Variants in DNAH1 observed in about 807,000 individuals in gnomAD.
DNAH1 encodes axonemal beta dynein heavy chain 1.
A neutral mutation model predicts 484.3 loss-of-function variants in DNAH1; 327 were observed. The observed-to-expected ratio is 0.68, with a 90% CI of 0.62 to 0.74. The LOEUF (loss-of-function observed/expected upper bound fraction) is 0.74. Ranked by LOEUF, DNAH1 falls within the 30% of genes least tolerant of loss-of-function variation. The pLI is 0.00. For missense variants in DNAH1, 5,052 were observed against 5,546.8 expected (o/e 0.91, Z 2.83); for synonymous variants, 2,192 against 2,191.9 (o/e 1.00, Z 0.00).
At chr3:52,319,038 G>A (rs1199466832) in intron 1 of DNAH1, among the ~76,000 whole-genome samples, 1 of 152,194 alleles carries the variant, frequency 6.6e-6, no homozygotes, top group Non-Finnish European at 1.5e-5. Flanking sequence ...GCTAGAACAT[G>A]GATCTTTGGG....
chr3:52,325,272 C>T (rs1344013445), intron 3 of DNAH1, among the ~76,000 whole-genome samples: 3 of 152,120 alleles, frequency 2.0e-5, no homozygotes, highest in African/African-American at 7.2e-5. Flanking sequence ...GGCCCTCCTG[C>T]AGCATGACCA....
chr3:52,398,662 C>G (rs1704751319), intron 75 of DNAH1, among the ~76,000 whole-genome samples, 188 bp from the exon 76 acceptor site: 1 of 151,936 alleles, frequency 6.6e-6, no homozygotes, highest in African/African-American at 2.4e-5. Flanking sequence ...GTAAGCTATC[C>G]AAGTCCAACT....
chr3:52,397,625 G>A, intron 73 of DNAH1, 82 bp from the exon 74 acceptor site: 2 of 1,297,132 alleles, frequency 1.5e-6, no homozygotes, highest in East Asian at 2.4e-5. Flanking sequence ...GTGACAAGTG[G>A]GGATGTGCTC....
At position 52,395,810 on chromosome 3, in the gene DNAH1, G is replaced by A. The variant is rs144399873; in HGVS notation, c.11259+132G>A. ...AGCACGTGGCAAGTGCTCAGCAACT[G>A]ACATGTGCCACACATCGACATCATT... On this transcript the variant is annotated intron_variant, in intron 70 of 77. Transcript: ENST00000420323. The surrounding 1 kb of genome is among the most constrained non-coding windows in gnomAD (Gnocchi z 4.4). 113 of 1,298,444 alleles carry A rather than the reference G, an allele frequency of 8.7e-5. No homozygotes were observed. Among genetic ancestry groups the A allele is most frequent in the Non-Finnish European group, 1.1e-4 (108 of 942,438 alleles). The allele number at this position is 1,298,444 out of a possible 1,614,324, so 80.4% of individuals were successfully genotyped here. A position where few individuals can be genotyped will look rare whatever the true frequency, so the allele number is the denominator to read the frequency against.
At chr3:52,323,738 GGGTCCCTCCC>G in intron 2 of DNAH1, 60 bp from the exon 3 acceptor site, 2 of 1,339,490 alleles carry the variant, frequency 1.5e-6, no homozygotes, top group Non-Finnish European at 2.1e-6. Context: ...CCTGGGCTCG[GGGTCCCTCCC>G]GGGTCCTGCC....
In DNAH1 at chr3:52,362,289, C is replaced by A; in HGVS notation, c.4981-99C>A. ...TCCAGGCCTGGCCTACCAGCTACAG[C>A]CAGGACAGGGGCATCAACAGGGGAC... On this transcript the variant is annotated intron_variant, in intron 30 of 77. Coordinates refer to ENST00000420323, the MANE Select transcript of DNAH1 (RefSeq NM_015512.5). The surrounding 1 kb of genome is among the most constrained non-coding windows in gnomAD (Gnocchi z 5.1). 1.0e-6 allele frequency: 1 copy of A among 981,304 alleles called. No individual in the cohort carries two copies. The highest frequency in any genetic ancestry group is 1.6e-6 in the Non-Finnish European group (1 of 637,934). 60.8% of individuals were successfully genotyped at this position (981,304 alleles called of 1,614,324 possible). A position where few individuals can be genotyped will look rare whatever the true frequency, so the allele number is the denominator to read the frequency against.
Position 52,368,777 on chromosome 3 carries a change from G to A in DNAH1, c.5802G>A (p.Gly1934=). Residue 1934 remains glycine (G), a synonymous_variant, in exon 37 of 78, where the codon GGG becomes GGA. Transcript: ENST00000420323. The surrounding 1 kb of genome is among the most constrained non-coding windows in gnomAD (Gnocchi z 4.4). ...TATTCTCCTCGTTCATCCGGGCGGGGGCCATCACCTCCGACACCAACAAGA... is the reference window on the plus strand; with the variant it reads ...TATTCTCCTCGTTCATCCGGGCGGGAGCCATCACCTCCGACACCAACAAGA... ...DGIFSSFIRA[G]AITSDTNKKW... 2 of 1,613,920 alleles carry A rather than the reference G, an allele frequency of 1.2e-6. No individual in the cohort carries two copies. Among genetic ancestry groups the A allele is most frequent in the Non-Finnish European group, 1.7e-6 (2 of 1,179,894 alleles).
chr3:52,347,584 G>A (rs1424244646), intron 11 of DNAH1, among the ~76,000 whole-genome samples: 1 of 152,154 alleles, frequency 6.6e-6, no homozygotes, highest in African/African-American at 2.4e-5. Flanking sequence ...GCACAGGGGT[G>A]GGGGGCCTCC....
At chr3:52,387,872 C>G (rs1300825885) in intron 56 of DNAH1, among the ~76,000 whole-genome samples, 1 of 152,086 alleles carries the variant, frequency 6.6e-6, no homozygotes. Context: ...AGGAAGTAGC[C>G]CTTGCCTTTA....
At chr3:52,375,768 A>T (rs1703566745) in intron 45 of DNAH1, among the ~76,000 whole-genome samples, 187 bp from the exon 46 acceptor site, 1 of 152,190 alleles carries the variant, frequency 6.6e-6, no homozygotes, top group African/African-American at 2.4e-5. Context: ...ACTCTGGGGA[A>T]GGCATGTTAC....
At chr3:52,332,074 C>T (rs1701574463) in intron 7 of DNAH1, 68 bp from the exon 8 acceptor site, 7 of 1,511,022 alleles carry the variant, frequency 4.6e-6, no homozygotes, top group South Asian at 3.8e-5. Flanking sequence ...CACAGCCGGC[C>T]GGAACCTAGT....
At chr3:52,373,804 A>C in intron 44 of DNAH1, 1 of 1,423,386 alleles carries the variant, frequency 7.0e-7, no homozygotes, top group Non-Finnish European at 9.9e-7. Flanking sequence ...TATATCACCC[A>C]TAATTGGAAT....
intron 34 of DNAH1, among the ~76,000 whole-genome samples, chr3:52,365,764 C>A (rs539196059): frequency 6.6e-6 from 1 of 152,264 alleles, no homozygotes; most frequent in East Asian, 1.9e-4. Flanking sequence ...TGCAAGGCCT[C>A]CCCCAGGTGC....
In DNAH1 at chr3:52,364,831, A is replaced by G; in HGVS notation, c.5332-2A>G. 7 of 1,612,578 alleles carry G rather than the reference A, an allele frequency of 4.3e-6. No individual in the cohort carries two copies. Among genetic ancestry groups the G allele is most frequent in the Non-Finnish European group, 5.9e-6 (7 of 1,178,782 alleles). The stretch of plus-strand genomic sequence containing the variant: ...TGAAGGCTCAGCCGGCACCTGCTGC[A>G]GGAGCTGATCTGCCTCCGGGCCATC... On this transcript the variant is annotated splice_acceptor_variant, in intron 33 of 77. Coordinates refer to ENST00000420323, the MANE Select transcript of DNAH1 (RefSeq NM_015512.5). LOFTEE classifies it high-confidence loss of function. This position sits in a 1 kb window ranked among gnomAD's most constrained non-coding sequence, Gnocchi z 4.2.
chr3:52,323,776 CA>C (rs1701235895), intron 2 of DNAH1, 31 bp from the exon 3 acceptor site: 1 of 1,564,084 alleles, frequency 6.4e-7, no homozygotes, highest in African/African-American at 1.4e-5. Context: ...GGGAGGTTGA[CA>C]CATACTCAGG....
chr3:52,385,652 G>T (rs966712195), intron 54 of DNAH1, among the ~76,000 whole-genome samples: 2 of 152,254 alleles, frequency 1.3e-5, no homozygotes, highest in African/African-American at 4.8e-5. Context: ...TGGGCAGGGG[G>T]TCGGTGAGGA....
In DNAH1 at chr3:52,351,982, C is replaced by T; in HGVS notation, c.2750C>T (p.Pro917Leu). 1 of 1,602,396 alleles carries T rather than the reference C, an allele frequency of 6.2e-7. No homozygotes were observed. The highest frequency in any genetic ancestry group is 8.5e-7 in the Non-Finnish European group (1 of 1,174,786). The stretch of plus-strand genomic sequence containing the variant: ...GCCAGATGGATTGCCAGCAACTGGC[C>T]TTCTAAGATCCTTGGGCAGATAGAG... Reference protein sequence around the residue: ...FNDKWIASNWPSKILGQIELV... With the variant: ...FNDKWIASNWLSKILGQIELV... The change falls in exon 17 of 78, where the codon CCT becomes CTT. Residue 917 changes from proline to leucine, a missense_variant. By Grantham distance (98) the Pro-to-Leu change is moderately conservative. Around this residue, in one of 4 missense-constraint regions of DNAH1, gnomAD observed 1,263 missense variants for 1,218.8 expected, o/e 1.04. Coordinates refer to ENST00000420323, the MANE Select transcript of DNAH1 (RefSeq NM_015512.5).
At position 52,370,604 on chromosome 3, in the gene DNAH1, A is replaced by G. The variant is rs1703293301; in HGVS notation, c.6386A>G (p.His2129Arg). The G allele has an allele frequency of 1.2e-6, 2 of 1,612,672 alleles. No homozygotes were observed. Among genetic ancestry groups the G allele is most frequent in the African/African-American group, 2.7e-5 (2 of 74,906 alleles). ...AGCAGTGGCCGCACCAGTTTCAGCC[A>G]CTGGCTAAGGCTCAAGATGGAGAAC... is the stretch of plus-strand genomic sequence containing the variant. The part of the protein sequence containing the change: ...GDSSGRTSFS[H>R]WLRLKMENEQ... The change falls in exon 40 of 78, where the codon CAC (histidine) becomes CGC (arginine). Residue 2129 changes from histidine (H) to arginine (R), a missense_variant. His to Arg is a conservative substitution (Grantham distance 29, BLOSUM62 0). Coordinates refer to ENST00000420323, the MANE Select transcript of DNAH1 (RefSeq NM_015512.5).
Position 52,384,995 on chromosome 3 carries a change from C to T in DNAH1, c.8514+18C>T. The stretch of plus-strand genomic sequence containing the variant: ...TCGACAAGGTGGGCCCAGGCGAGTC[C>T]CCGTGGACAAGGTCAGCTGCCTGCA... On this transcript the variant is annotated intron_variant, in intron 53 of 77. Coordinates refer to ENST00000420323, the MANE Select transcript of DNAH1 (RefSeq NM_015512.5). 1 of 1,604,894 alleles carries T rather than the reference C, an allele frequency of 6.2e-7. No homozygotes were observed. The highest frequency in any genetic ancestry group is 8.5e-7 in the Non-Finnish European group (1 of 1,175,484).
Sources: allele counts gnomAD v4.1 joint callset (sites outside exome capture counted in the v4.1 genomes callset), GRCh38; gene constraint gnomAD v4.1.1; regional missense constraint gnomAD v4.1.1; non-coding constraint Gnocchi (gnomAD v3.1); transcripts MANE v1.5; gene names NCBI Gene and HGNC (gene_info 2026-07-23, HGNC 2026-07-21).